The following SFT2D2 variants were observed in gnomAD, a reference collection of about 807,000 sequenced individuals.
The protein encoded by SFT2D2 is vesicle transport protein SFT2B.
Under a neutral mutation model 27.4 loss-of-function variants are expected in SFT2D2, and 21 were observed. That is an observed-to-expected ratio of 0.77 (90% CI 0.54 to 1.10). SFT2D2 has a LOEUF of 1.10. SFT2D2 is among the 50% of genes least tolerant of loss of function. SFT2D2 has a pLI of 0.00. For missense variants in SFT2D2, 187 were observed against 194.2 expected (o/e 0.96, Z 0.22); for synonymous variants, 72 against 71.7 (o/e 1.00, Z -0.02).
Position 168,245,200 on chromosome 1 carries a change from A to G in SFT2D2, c.*2660A>G, listed in dbSNP as rs1339088448. Reference sequence around the variant, plus strand: ...TATTCACAGATATTATCATCTATGTAGAAAACCAAATCAAATCCATTACTA... The same window carrying G: ...TATTCACAGATATTATCATCTATGTGGAAAACCAAATCAAATCCATTACTA... On this transcript the variant is annotated 3_prime_UTR_variant, in exon 8 of 8. Transcript: ENST00000271375. 1 of 152,230 alleles carries G rather than the reference A, an allele frequency of 6.6e-6. No homozygotes were observed. The highest frequency in any genetic ancestry group is 2.4e-5 in the African/African-American group (1 of 41,470). The allele number at this position is 152,230 out of a possible 1,614,324, so 9.4% of individuals were successfully genotyped here.
Position 168,226,154 on chromosome 1 carries a change from C to G in SFT2D2, c.63+12C>G, listed in dbSNP as rs1700456421. On this transcript the variant is annotated intron_variant, in intron 1 of 7. Coordinates refer to ENST00000271375, the MANE Select transcript of SFT2D2 (RefSeq NM_199344.3). ...GCGGCCTGTCCGAGGTGAGTGAGCCCGGGGCCGTCGGCCCCCTCTCGCCGC... is the reference window on the plus strand; with the variant it reads ...GCGGCCTGTCCGAGGTGAGTGAGCCGGGGGCCGTCGGCCCCCTCTCGCCGC... The G allele has an allele frequency of 6.5e-7, 1 of 1,527,534 alleles. No homozygotes were observed. Among genetic ancestry groups the G allele is most frequent in the African/African-American group, 1.4e-5 (1 of 71,066 alleles). The allele number at this position is 1,527,534 out of a possible 1,614,324, so 94.6% of individuals were successfully genotyped here.
In SFT2D2 at chr1:168,242,689, A is replaced by G. The variant is rs1647681393; in HGVS notation, c.*149A>G. 2.1e-6 allele frequency: 2 copies of G among 937,344 alleles called. No individual in the cohort carries two copies. Among genetic ancestry groups the G allele is most frequent in the South Asian group, 2.8e-5 (2 of 71,540 alleles). 58.1% of individuals were successfully genotyped at this position (937,344 alleles called of 1,614,324 possible). On this transcript the variant is annotated 3_prime_UTR_variant, in exon 8 of 8. Transcript: ENST00000271375. Reference sequence around the variant, plus strand: ...CTTGTGATTCGAACATTTGAGGGTTACTTTTGGAAGCAACAATACATTCTC... The same window carrying G: ...CTTGTGATTCGAACATTTGAGGGTTGCTTTTGGAAGCAACAATACATTCTC...
At chr1:168,231,812 A>G in intron 2 of SFT2D2, 22 bp from the exon 3 acceptor site, 1 of 1,612,554 alleles carries the variant, frequency 6.2e-7, no homozygotes, top group Non-Finnish European at 8.5e-7. Context: ...CTCATGTGCA[A>G]ACACTGTACT....
At chr1:168,234,383 A>T (rs574023270) in intron 3 of SFT2D2, among the ~76,000 whole-genome samples, 1 of 146,560 alleles carries the variant, frequency 6.8e-6, no homozygotes, top group East Asian at 2.0e-4. Context: ...ACAGAGTGAG[A>T]CTCCATGTCA....
At chr1:168,233,589 C>T (rs950537799) in intron 3 of SFT2D2, among the ~76,000 whole-genome samples, 7 of 152,164 alleles carry the variant, frequency 4.6e-5, no homozygotes, top group African/African-American at 1.4e-4. Context: ...AAAATGCTGA[C>T]CCTTAGAGAT....
intron 7 of SFT2D2, among the ~76,000 whole-genome samples, chr1:168,240,689 G>T (rs149077468): frequency 2.0e-5 from 3 of 152,082 alleles, no homozygotes; most frequent in African/African-American, 7.2e-5. Context: ...TGAGGTGTGC[G>T]GATCACGAGG....
At chr1:168,235,064 G>T in intron 3 of SFT2D2, 37 bp from the exon 4 acceptor site, 2 of 1,598,418 alleles carry the variant, frequency 1.3e-6, no homozygotes, top group Non-Finnish European at 1.7e-6. Context: ...GTGCAGTTCT[G>T]TTCTGAACGG....
rs146623246 is a variant in SFT2D2, at chr1:168,238,687, G to A, written c.414-444G>A. Among the ~76,000 whole-genome samples, 279 of 151,384 alleles carry A rather than the reference G, an allele frequency of 1.8e-3. 10 individuals carry two copies. In the East Asian group the frequency reaches 0.044, roughly 24 times the overall value. ...TTCCAGCAGCCTAGGTGACGAGCAC[G>A]ACCCTGTCTCAAAAAAAAAAATAAA... On this transcript the variant is annotated intron_variant, in intron 6 of 7. Coordinates refer to ENST00000271375, the MANE Select transcript of SFT2D2 (RefSeq NM_199344.3).
chr1:168,251,346 A>G lies in SFT2D2; in HGVS notation c.*8806A>G, dbSNP rs1290965392. ...AAATAAAAAAAAAAATCACTTTTTG[A>G]TACTTCTGTTAAAATAGATAATAAG... On this transcript the variant is annotated 3_prime_UTR_variant, in exon 8 of 8. Transcript: ENST00000271375. 1 of 152,118 alleles carries G rather than the reference A, an allele frequency of 6.6e-6. No individual in the cohort carries two copies. Among genetic ancestry groups the G allele is most frequent in the African/African-American group, 2.4e-5 (1 of 41,430 alleles). The allele number at this position is 152,118 out of a possible 1,614,324, so 9.4% of individuals were successfully genotyped here.
Position 168,248,843 on chromosome 1 carries a change from C to G in SFT2D2, c.*6303C>G, listed in dbSNP as rs889650290. On this transcript the variant is annotated 3_prime_UTR_variant, in exon 8 of 8. Transcript: ENST00000271375. ...AGGGTGTATATGTCCAGGAATTTAT[C>G]CATTTCTTCTAGATTTTCTACTTTA... 4 of 151,942 alleles carry G rather than the reference C, an allele frequency of 2.6e-5. No homozygotes were observed. The highest frequency in any genetic ancestry group is 5.9e-5 in the Non-Finnish European group (4 of 68,018). 9.4% of individuals were successfully genotyped at this position (151,942 alleles called of 1,614,324 possible).
rs746418229 is a variant in SFT2D2 at position 168,236,611 on chromosome 1, GT to G, written c.343del (p.Ser115LeufsTer22). On this transcript the variant is annotated frameshift_variant, in exon 5 of 8. Coordinates refer to ENST00000271375, the MANE Select transcript of SFT2D2 (RefSeq NM_199344.3). LOFTEE classifies it high-confidence loss of function. ...MVLLCFALTL[C>X]SAFWWHNKGL... ...TAGTTGTGTTTTGCACTTACCCTGT[GT>G]TCTGCCTTTTGGGTAAATGTATATT... 5 of 1,613,332 alleles carry G rather than the reference GT, an allele frequency of 3.1e-6. No homozygotes were observed. In the Admixed American group the frequency reaches 8.3e-5, roughly 27 times the overall value.
At chr1:168,226,164 G>T (rs955686679) in intron 1 of SFT2D2, 22 bp downstream of exon 1, 1 of 1,525,080 alleles carries the variant, frequency 6.6e-7, no homozygotes, top group East Asian at 2.6e-5. Context: ...CGGGGCCGTC[G>T]GCCCCCTCTC....
chr1:168,226,150 A>C lies in SFT2D2; in HGVS notation c.63+8A>C. On this transcript the variant is annotated splice_region_variant and intron_variant, in intron 1 of 7. Coordinates refer to ENST00000271375, the MANE Select transcript of SFT2D2 (RefSeq NM_199344.3). ...CGGAGCGGCCTGTCCGAGGTGAGTG[A>C]GCCCGGGGCCGTCGGCCCCCTCTCG... is the stretch of plus-strand genomic sequence containing the variant. 1 of 1,528,578 alleles carries C rather than the reference A, an allele frequency of 6.5e-7. No homozygotes were observed. 94.7% of individuals were successfully genotyped at this position (1,528,578 alleles called of 1,614,324 possible). A position where few individuals can be genotyped will look rare whatever the true frequency, so the allele number is the denominator to read the frequency against.
chr1:168,234,080 A>G (rs1454882676), intron 3 of SFT2D2, among the ~76,000 whole-genome samples: 1 of 152,154 alleles, frequency 6.6e-6, no homozygotes, highest in African/African-American at 2.4e-5. Context: ...CTTGCTAGCC[A>G]TCTCTCAAGT....
chr1:168,232,048 A>G, intron 3 of SFT2D2, 129 bp downstream of exon 3: 2 of 702,386 alleles, frequency 2.8e-6, no homozygotes, highest in Admixed American at 2.4e-5. Context: ...TAGTTAGAAT[A>G]TCTCACATTC....
chr1:168,226,102 T>C lies in SFT2D2; in HGVS notation c.23T>C (p.Leu8Pro), dbSNP rs1316801883. The change falls in exon 1 of 8, where the codon CTG (leucine) becomes CCG (proline). Residue 8 changes from leucine to proline, a missense_variant. By Grantham distance (98) the Leu-to-Pro change is moderately conservative (BLOSUM62 -3). Coordinates refer to ENST00000271375, the MANE Select transcript of SFT2D2 (RefSeq NM_199344.3). ...GCAATGGACAAGCTGAAGAAGGTGC[T>C]GAGCGGGCAGGACACGGAGGACCGG... is the stretch of plus-strand genomic sequence containing the variant. MDKLKKVLSGQDTEDRSG... is the reference protein window; with the variant it reads MDKLKKVPSGQDTEDRSG... The C allele has an allele frequency of 1.3e-6, 2 of 1,535,044 alleles. No homozygotes were observed. The highest frequency in any genetic ancestry group is 8.8e-7 in the Non-Finnish European group (1 of 1,140,120).
chr1:168,233,793 G>A (rs1647401874), intron 3 of SFT2D2, among the ~76,000 whole-genome samples: 1 of 152,048 alleles, frequency 6.6e-6, no homozygotes, highest in South Asian at 2.1e-4. Flanking sequence ...ATAATAAAGG[G>A]AGCAAATTGT....
At chr1:168,242,428 C>T (rs1647674765) in intron 7 of SFT2D2, 73 bp from the exon 8 acceptor site, 3 of 1,565,932 alleles carry the variant, frequency 1.9e-6, no homozygotes, top group South Asian at 1.1e-5. Context: ...GCAGCTTCCA[C>T]TCTGGGTGCC....
chr1:168,241,270 C>G (rs577949763), intron 7 of SFT2D2, among the ~76,000 whole-genome samples: 1 of 135,512 alleles, frequency 7.4e-6, no homozygotes, highest in Non-Finnish European at 1.5e-5. Context: ...TGCAGTGGCC[C>G]GATGTCAGCT....
Sources: gnomAD v4.1 joint callset for allele counts (sites outside exome capture counted in the v4.1 genomes callset) on GRCh38, gnomAD v4.1.1 for gene constraint, MANE v1.5 for transcripts, NCBI Gene and HGNC (gene_info 2026-07-23, HGNC 2026-07-21) for gene names.